SIMC1: variants seen among roughly 807,000 people sequenced by gnomAD.
SIMC1 encodes the protein SUMO interacting motifs containing 1.
SIMC1 carries 55 observed loss-of-function variants against 82.3 expected under a neutral mutation model. The ratio of observed to expected loss-of-function variants is 0.67; its 90% confidence interval spans 0.54 to 0.84. SIMC1 has a LOEUF of 0.84. SIMC1 is among the 40% of genes least tolerant of loss of function. The pLI, the probability that SIMC1 is intolerant of heterozygous loss-of-function variation, is 0.00. For missense variants in SIMC1, 915 were observed against 1,107.2 expected, an observed-to-expected ratio of 0.83 and a Z score of 2.46; for synonymous variants, 353 against 426.3, an observed-to-expected ratio of 0.83 and a Z score of 2.12.
chr5:176,281,168 C>T lies in SIMC1; in HGVS notation c.130-8486C>T, dbSNP rs1581248524. On this transcript the variant is annotated intron_variant, in intron 1 of 9. Coordinates refer to ENST00000429602, the MANE Select transcript of SIMC1 (RefSeq NM_001308195.2). ...TTTCTCTAAACTTCCCTTCTTGCTT[C>T]ATTTCATTCATTTCATCTTCCATCG... Among the ~76,000 whole-genome samples, 5 of 152,310 alleles carry T rather than the reference C, an allele frequency of 3.3e-5. No homozygotes were observed. The Middle Eastern group carries it at 0.017, about 518-fold the overall frequency.
At chr5:176,257,241 C>A (rs1418813713) in intron 1 of SIMC1, among the ~76,000 whole-genome samples, 7 of 151,858 alleles carry the variant, frequency 4.6e-5, no homozygotes, top group Admixed American at 4.6e-4. Flanking sequence ...TAAAGAAATC[C>A]CTGAGAATAC....
intron 4 of SIMC1, chr5:176,308,356 C>G: frequency 6.5e-7 from 1 of 1,541,546 alleles, no homozygotes; most frequent in Non-Finnish European, 9.0e-7. Flanking sequence ...GGGCAGCTGT[C>G]TGCAGCTTCA....
intron 4 of SIMC1, 139 bp from the exon 5 acceptor site, chr5:176,313,552 C>T: frequency 6.5e-7 from 1 of 1,549,450 alleles, no homozygotes. Flanking sequence ...CTGCCCTCTC[C>T]TAGGAGCCTC....
chr5:176,330,055 A>G (rs1444007308), intron 7 of SIMC1, among the ~76,000 whole-genome samples: 3 of 152,128 alleles, frequency 2.0e-5, no homozygotes, highest in Non-Finnish European at 4.4e-5. Flanking sequence ...TCTTAGTAGC[A>G]GTGGAGCACA....
At chr5:176,282,396 T>C (rs1451988461) in intron 1 of SIMC1, among the ~76,000 whole-genome samples, 1 of 152,236 alleles carries the variant, frequency 6.6e-6, no homozygotes, top group East Asian at 1.9e-4. Flanking sequence ...AGTGAGGCAA[T>C]GCCTCGCCCT....
intron 5 of SIMC1, among the ~76,000 whole-genome samples, chr5:176,317,458 C>G (rs1764965456): frequency 6.6e-6 from 1 of 152,080 alleles, no homozygotes; most frequent in South Asian, 2.1e-4. Flanking sequence ...AATATACCCC[C>G]ATATGGCAAA....
At chr5:176,339,190 C>T (rs536846008) in intron 9 of SIMC1, among the ~76,000 whole-genome samples, 2 of 152,126 alleles carry the variant, frequency 1.3e-5, no homozygotes, top group African/African-American at 4.8e-5. Context: ...GGTGAAACCC[C>T]GTCTCTACTA....
At chr5:176,301,923 G>C (rs1764059609) in intron 4 of SIMC1, among the ~76,000 whole-genome samples, 1 of 152,126 alleles carries the variant, frequency 6.6e-6, no homozygotes, top group Non-Finnish European at 1.5e-5. Context: ...TCATCCCTTG[G>C]TTGACTACAT....
At chr5:176,325,770 C>CT (rs1168581643) in intron 7 of SIMC1, among the ~76,000 whole-genome samples, 1 of 152,016 alleles carries the variant, frequency 6.6e-6, no homozygotes, top group African/African-American at 2.4e-5. Context: ...GCCTTCTTCT[C>CT]TTATCTTTAT....
chr5:176,273,364 AAG>A (rs1490649895), intron 1 of SIMC1, among the ~76,000 whole-genome samples: 1 of 152,210 alleles, frequency 6.6e-6, no homozygotes, highest in Admixed American at 6.5e-5. Flanking sequence ...ACCTACAGCT[AAG>A]GGTCCTGACT....
chr5:176,307,719 C>T (rs1328664435), intron 4 of SIMC1, among the ~76,000 whole-genome samples: 2 of 152,156 alleles, frequency 1.3e-5, no homozygotes, highest in African/African-American at 2.4e-5. Context: ...AATTTTTAAA[C>T]TTTTGTTAAA....
rs1162307977 is a variant in SIMC1, at chr5:176,272,172, C to CAAAA, written c.130-17459_130-17456dup. On this transcript the variant is annotated intron_variant, in intron 1 of 9. Coordinates refer to ENST00000429602, the MANE Select transcript of SIMC1 (RefSeq NM_001308195.2). ...AGTCTGTAGTGACATCCCATCTCTA[C>CAAAA]AAAAAAAAAAAAAAAAAAAAAAAAA... Among the ~76,000 whole-genome samples the CAAAA allele has an allele frequency of 1.8e-3, 36 of 19,960 alleles. 2 individuals are homozygous for CAAAA. Among genetic ancestry groups the CAAAA allele is most frequent in the African/African-American group, 4.6e-3 (33 of 7,126 alleles). 13.1% of individuals were successfully genotyped at this position (19,960 alleles called of 152,430 possible).
At chr5:176,252,956 T>C (rs1210230484) in intron 1 of SIMC1, among the ~76,000 whole-genome samples, 1 of 152,152 alleles carries the variant, frequency 6.6e-6, no homozygotes, top group Non-Finnish European at 1.5e-5. Flanking sequence ...TGGCCCACGC[T>C]GCGAAACCCT....
intron 4 of SIMC1, among the ~76,000 whole-genome samples, chr5:176,304,116 C>G (rs1181412806): frequency 6.6e-6 from 1 of 152,066 alleles, no homozygotes; most frequent in Non-Finnish European, 1.5e-5. Context: ...ATAGAAAATA[C>G]CAAATAGAGT....
At chr5:176,284,476 T>C (rs1182265512) in intron 1 of SIMC1, among the ~76,000 whole-genome samples, 2 of 152,146 alleles carry the variant, frequency 1.3e-5, no homozygotes, top group Non-Finnish European at 2.9e-5. Flanking sequence ...TTGAAACCAA[T>C]GAGAACAAAG....
chr5:176,257,809 G>A (rs867375686), intron 1 of SIMC1, among the ~76,000 whole-genome samples: 43 of 152,110 alleles, frequency 2.8e-4, no homozygotes, highest in African/African-American at 7.2e-4. Context: ...TCTTTGGGCC[G>A]TATAATTATT....
intron 9 of SIMC1, among the ~76,000 whole-genome samples, chr5:176,339,684 TA>T (rs1766047314): frequency 6.6e-6 from 1 of 152,248 alleles, no homozygotes. Flanking sequence ...GAATATTTTT[TA>T]TGTTTTGATA....
intron 1 of SIMC1, among the ~76,000 whole-genome samples, chr5:176,283,970 C>G (rs1430178314): frequency 6.6e-6 from 1 of 152,042 alleles, no homozygotes; most frequent in Non-Finnish European, 1.5e-5. Flanking sequence ...AACAAGAAGA[C>G]CTAACTATCC....
rs189539884 is a variant in SIMC1, at chr5:176,258,556, G to A, written c.129+19919G>A. Among the ~76,000 whole-genome samples the A allele has an allele frequency of 1.4e-4, 21 of 151,184 alleles. 2 individuals carry two copies. The South Asian group carries it at 1.5e-3, about 11-fold the overall frequency. On this transcript the variant is annotated intron_variant, in intron 1 of 9. Coordinates refer to ENST00000429602, the MANE Select transcript of SIMC1 (RefSeq NM_001308195.2). The stretch of plus-strand genomic sequence containing the variant: ...GATGGTTTTGGAAAAATAGACTCAC[G>A]AGAGTTTTTTAATACAAAAATTGTT...
Sources: allele counts gnomAD v4.1 joint callset (sites outside exome capture counted in the v4.1 genomes callset), GRCh38; gene constraint gnomAD v4.1.1; transcripts MANE v1.5; gene names NCBI Gene and HGNC (gene_info 2026-07-23, HGNC 2026-07-21).